Variants in NSUN7 observed in about 807,000 individuals in gnomAD.
NSUN7 encodes NOP2/Sun RNA methyltransferase family member 7.
A neutral mutation model predicts 58.5 loss-of-function variants in NSUN7; 39 were observed. The ratio of observed to expected loss-of-function variants is 0.67; its 90% confidence interval spans 0.52 to 0.87. The LOEUF (loss-of-function observed/expected upper bound fraction) is 0.87, where lower values mean the gene tolerates loss of function less well. NSUN7 is among the 40% of genes least tolerant of loss of function. The probability of loss-of-function intolerance (pLI) is 0.00; values close to 1 mark genes in which losing one functional copy is unlikely to be tolerated. For synonymous variants in NSUN7, 278 were observed against 303.7 expected (o/e 0.92, Z 0.88); for missense variants, 765 against 844.1 (o/e 0.91, Z 1.16).
intron 9 of NSUN7, among the ~76,000 whole-genome samples, chr4:40,794,855 G>C (rs1309796018): frequency 1.3e-5 from 2 of 152,106 alleles, no homozygotes; most frequent in African/African-American, 4.8e-5. Flanking sequence ...CCAAATTTTA[G>C]TCAAACTCTT....
intron 7 of NSUN7, among the ~76,000 whole-genome samples, chr4:40,782,400 T>C (rs964528050): frequency 2.6e-5 from 4 of 151,334 alleles, no homozygotes; most frequent in African/African-American, 9.7e-5. Context: ...CCCGTCTCTA[T>C]AAAAAATACA....
At chr4:40,795,176 A>G (rs1743261054) in intron 9 of NSUN7, among the ~76,000 whole-genome samples, 2 of 152,216 alleles carry the variant, frequency 1.3e-5, no homozygotes, top group African/African-American at 4.8e-5. Flanking sequence ...TTAAAGATAA[A>G]TGGATATGGG....
rs202040558 is a variant in NSUN7, at chr4:40,750,989, A to C, written c.296A>C (p.Lys99Thr). ...LSYELAFSALKYQDILETILI... is the reference protein window; with the variant it reads ...LSYELAFSALTYQDILETILI... ...TATGAGCTGGCTTTCAGTGCCCTGA[A>C]ATGTGAGTTGTGCCAGTCTGGAAGA... is the stretch of plus-strand genomic sequence containing the variant. Residue 99 changes from lysine to threonine, a missense_variant and splice_region_variant, in exon 2 of 12, where the codon AAA becomes ACA. By Grantham distance (78) the Lys-to-Thr change is moderately conservative. Transcript: ENST00000381782. 8 of 1,612,906 alleles carry C rather than the reference A, an allele frequency of 5.0e-6. No individual in the cohort carries two copies. The Admixed American group carries it at 8.3e-5, about 17-fold the overall frequency.
At chr4:40,750,460 TGAGCG>T in intron 1 of NSUN7, 138 bp from the exon 2 acceptor site, 1 of 301,492 alleles carries the variant, frequency 3.3e-6, no homozygotes, top group Non-Finnish European at 6.0e-6. Flanking sequence ...TTTTTTTTTT[TGAGCG>T]TCCCAGGCTC....
At chr4:40,757,833 A>G (rs891440519) in intron 2 of NSUN7, among the ~76,000 whole-genome samples, 6 of 151,586 alleles carry the variant, frequency 4.0e-5, no homozygotes, top group African/African-American at 9.7e-5. Context: ...CCCTAGGGGG[A>G]AAAAATGCAA....
intron 10 of NSUN7, among the ~76,000 whole-genome samples, chr4:40,801,794 C>T (rs930150536): frequency 6.8e-6 from 1 of 148,072 alleles, no homozygotes; most frequent in African/African-American, 2.5e-5. Flanking sequence ...CCCAGCTATT[C>T]GGGAGGCTGA....
intron 2 of NSUN7, 26 bp from the exon 3 acceptor site, chr4:40,760,408 T>C (rs1741391132): frequency 1.3e-6 from 2 of 1,586,486 alleles, no homozygotes; most frequent in Non-Finnish European, 1.7e-6. Flanking sequence ...GTATTTTCAG[T>C]AACAGGCCTT....
intron 7 of NSUN7, among the ~76,000 whole-genome samples, chr4:40,780,803 ATATATATATATTTTTT>A (rs1742512200): frequency 1.9e-5 from 2 of 105,828 alleles, no homozygotes; most frequent in African/African-American, 3.6e-5. Flanking sequence ...ATATATATAT[ATATATATATATTTTTT>A]TTTTTTTTTT....
intron 7 of NSUN7, among the ~76,000 whole-genome samples, chr4:40,783,998 C>A (rs542788517): frequency 6.6e-6 from 1 of 152,054 alleles, no homozygotes; most frequent in African/African-American, 2.4e-5. Flanking sequence ...GAATATTTCT[C>A]CAGTGAAGAT....
intron 10 of NSUN7, among the ~76,000 whole-genome samples, chr4:40,805,946 A>G (rs1053921983): frequency 6.6e-6 from 1 of 152,158 alleles, no homozygotes; most frequent in South Asian, 2.1e-4. Context: ...GGTTCAAGTG[A>G]TTCTCCTGCC....
In NSUN7 at chr4:40,808,780, C is replaced by T. The variant is rs1477356104; in HGVS notation, c.1998C>T (p.Ile666=). 2 of 1,549,538 alleles carry T rather than the reference C, an allele frequency of 1.3e-6. No homozygotes were observed. Among genetic ancestry groups the T allele is most frequent in the East Asian group, 2.4e-5 (1 of 40,872 alleles). Reference sequence around the variant, plus strand: ...TGCCATTTTCAAGTCCCCAAGGGATCAGATCTCGGATGCCAACTCAACATT... The same window carrying T: ...TGCCATTTTCAAGTCCCCAAGGGATTAGATCTCGGATGCCAACTCAACATT... ...VFMPFSSPQG[I]RSRMPTQHLY... Residue 666 remains isoleucine, a synonymous_variant, in exon 12 of 12, where the codon ATC becomes ATT. Transcript: ENST00000381782.
At chr4:40,757,874 TC>T (rs1741250046) in intron 2 of NSUN7, among the ~76,000 whole-genome samples, 1 of 150,334 alleles carries the variant, frequency 6.7e-6, no homozygotes. Context: ...TGTTCTCTTG[TC>T]GTTCATCCTG....
intron 4 of NSUN7, among the ~76,000 whole-genome samples, chr4:40,769,165 T>C (rs992563146): frequency 6.6e-6 from 1 of 152,224 alleles, no homozygotes; most frequent in Non-Finnish European, 1.5e-5. Context: ...TCCAAATCTA[T>C]GCCACCATAA....
rs770159827 is a variant in NSUN7, at chr4:40,798,784, T to G, written c.1283-3T>G. 1 of 1,538,352 alleles carries G rather than the reference T, an allele frequency of 6.5e-7. No homozygotes were observed. Among genetic ancestry groups the G allele is most frequent in the Non-Finnish European group, 9.0e-7 (1 of 1,114,652 alleles). ...ACAGTCATTGCATCTTCTTCTAATATAGTTACTAAAGCTCAAGCAGTTGTT... is the reference window on the plus strand; with the variant it reads ...ACAGTCATTGCATCTTCTTCTAATAGAGTTACTAAAGCTCAAGCAGTTGTT... On this transcript the variant is annotated splice_region_variant and splice_polypyrimidine_tract_variant and intron_variant, in intron 9 of 11. Transcript: ENST00000381782.
At chr4:40,763,854 T>C (rs1741577956) in intron 4 of NSUN7, among the ~76,000 whole-genome samples, 1 of 152,214 alleles carries the variant, frequency 6.6e-6, no homozygotes, top group African/African-American at 2.4e-5. Flanking sequence ...ATTGCAAATC[T>C]TATTGCTAGG....
At chr4:40,794,849 A>G (rs1313661048) in intron 9 of NSUN7, among the ~76,000 whole-genome samples, 1 of 152,156 alleles carries the variant, frequency 6.6e-6, no homozygotes, top group Non-Finnish European at 1.5e-5. Context: ...TACAGTCCAA[A>G]TTTTAGTCAA....
At chr4:40,808,029 C>CAAAA (rs397878278) in intron 11 of NSUN7, among the ~76,000 whole-genome samples, 7 of 60,164 alleles carry the variant, frequency 1.2e-4, no homozygotes, top group East Asian at 6.3e-4. Context: ...GACTCCATCT[C>CAAAA]AAAAAAAAAA....
intron 7 of NSUN7, among the ~76,000 whole-genome samples, chr4:40,790,019 C>T (rs1447595320): frequency 6.6e-6 from 1 of 150,420 alleles, no homozygotes; most frequent in East Asian, 2.0e-4. Flanking sequence ...GGATTCTGTA[C>T]CTTGGACTGG....
At position 40,809,506 on chromosome 4, in the gene NSUN7, GCCAGGTGTGTGTAGCT is replaced by G. The variant is rs938060242; in HGVS notation, c.*569_*584del. On this transcript the variant is annotated 3_prime_UTR_variant, in exon 12 of 12. Transcript: ENST00000381782. ...TAGGAAGCGCAGGAAGTTCCCAAGT[GCCAGGTGTGTGTAGCT>G]CAGAGTTCCTTTTACAGTGAGGTGT... The G allele has an allele frequency of 6.6e-6, 1 of 152,166 alleles. No homozygotes were observed. Among genetic ancestry groups the G allele is most frequent in the African/African-American group, 2.4e-5 (1 of 41,432 alleles). 9.4% of individuals were successfully genotyped at this position (152,166 alleles called of 1,614,324 possible).
Sources: gnomAD v4.1 joint callset for allele counts (sites outside exome capture counted in the v4.1 genomes callset) on GRCh38, gnomAD v4.1.1 for gene constraint, MANE v1.5 for transcripts, NCBI Gene and HGNC (gene_info 2026-07-23, HGNC 2026-07-21) for gene names.